ACOT7: variants seen among roughly 807,000 people sequenced by gnomAD.
The protein encoded by ACOT7 is acyl-CoA thioesterase 7.
ACOT7 carries 12 observed loss-of-function variants against 40.2 expected under a neutral mutation model. The observed-to-expected ratio is 0.30, with a 90% CI of 0.19 to 0.48. ACOT7 has a LOEUF of 0.48. ACOT7 is among the 20% of genes least tolerant of loss of function. The pLI is 0.99. For missense variants in ACOT7, 395 were observed against 530.8 expected, an observed-to-expected ratio of 0.74 and a Z score of 2.51; for synonymous variants, 228 against 219.5, an observed-to-expected ratio of 1.04 and a Z score of -0.34.
chr1:6,363,436 C>T (rs1052092999), intron 1 of ACOT7, among the ~76,000 whole-genome samples: 2 of 152,112 alleles, frequency 1.3e-5, no homozygotes. Flanking sequence ...CAGGCCTGCC[C>T]GCAGTTATCC....
At chr1:6,314,403 T>C in intron 6 of ACOT7, among the ~76,000 whole-genome samples, 1 of 151,688 alleles carries the variant, frequency 6.6e-6, no homozygotes, top group Admixed American at 6.6e-5. Context: ...AATTTAAAAA[T>C]AAAAAATAAA....
intron 1 of ACOT7, among the ~76,000 whole-genome samples, chr1:6,388,659 G>A (rs556059482): frequency 1.4e-5 from 2 of 145,984 alleles, no homozygotes; most frequent in Admixed American, 1.4e-4. Flanking sequence ...AGAATTGCTT[G>A]AACTGGGGAG....
intron 5 of ACOT7, among the ~76,000 whole-genome samples, chr1:6,326,416 A>T (rs1003919781): frequency 6.6e-6 from 1 of 152,128 alleles, no homozygotes; most frequent in African/African-American, 2.4e-5. Flanking sequence ...TTGAGTGAAC[A>T]TTTTGTTAAA....
At position 6,275,098 on chromosome 1, in the gene ACOT7, G is replaced by A. The variant is rs759516618; in HGVS notation, c.1014+6004C>T. On this transcript the variant is annotated intron_variant, in intron 8 of 8. Transcript: ENST00000361521. This position sits in a 1 kb window ranked among gnomAD's most constrained non-coding sequence, Gnocchi z 5.6. ...CATCTGTGAGCAGACACACCAGCTC[G>A]CAGAGGGGTTGGCGTTCCCTGAAGC... Among the ~76,000 whole-genome samples, 12 of 152,324 alleles carry A rather than the reference G, an allele frequency of 7.9e-5. No individual in the cohort carries two copies. The highest frequency in any genetic ancestry group is 6.2e-4 in the South Asian group (3 of 4,832).
chr1:6,350,009 T>C (rs902852853), intron 1 of ACOT7, 143 bp from the exon 2 acceptor site: 1 of 806,054 alleles, frequency 1.2e-6, no homozygotes, highest in Non-Finnish European at 2.0e-6. Context: ...GGGCTCTTCC[T>C]AGGTGGTGTG....
chr1:6,304,474 G>A (rs1205332099), intron 6 of ACOT7, among the ~76,000 whole-genome samples: 1 of 140,702 alleles, frequency 7.1e-6, no homozygotes, highest in Admixed American at 7.0e-5. Flanking sequence ...GGACAATAGT[G>A]GAGGGAAGGT....
chr1:6,305,650 TC>T (rs1174672961), intron 6 of ACOT7, among the ~76,000 whole-genome samples: 23 of 149,752 alleles, frequency 1.5e-4, no homozygotes, highest in African/African-American at 5.7e-4. Context: ...GCAGAGACGC[TC>T]CTCACTTCCT....
At chr1:6,269,506 G>A (rs894249216) in intron 8 of ACOT7, among the ~76,000 whole-genome samples, 3 of 152,228 alleles carry the variant, frequency 2.0e-5, no homozygotes, top group African/African-American at 7.2e-5. Flanking sequence ...ACAGGCCGAG[G>A]GCTGTGACTG....
intron 1 of ACOT7, among the ~76,000 whole-genome samples, chr1:6,353,319 A>G (rs779873610): frequency 6.7e-6 from 1 of 149,262 alleles, no homozygotes; most frequent in Non-Finnish European, 1.5e-5. Flanking sequence ...ATGCTGTCTC[A>G]AAAGAAAAAA....
chr1:6,288,553 T>C lies in ACOT7; in HGVS notation c.829+6311A>G, dbSNP rs916758374. On this transcript the variant is annotated intron_variant, in intron 7 of 8. Coordinates refer to ENST00000361521, the MANE Select transcript of ACOT7 (RefSeq NM_007274.4). This position sits in a 1 kb window ranked among gnomAD's most constrained non-coding sequence, Gnocchi z 4.3. ...GCCACGGAGGCTGTGAGCAGAGGAA[T>C]AGCAGGTCCCTAGCGTCAAAAGGCT... 1.3e-5 allele frequency among the ~76,000 whole-genome samples: 2 copies of C among 152,112 alleles called. No individual in the cohort carries two copies. Among genetic ancestry groups the C allele is most frequent in the Admixed American group, 6.5e-5 (1 of 15,268 alleles).
intron 1 of ACOT7, chr1:6,385,784 A>G: frequency 1.4e-6 from 2 of 1,441,940 alleles, no homozygotes; most frequent in Non-Finnish European, 1.8e-6. Context: ...CCTGATAGAA[A>G]GCACCAGGCT....
chr1:6,299,264 A>T lies in ACOT7; in HGVS notation c.713-4284T>A, dbSNP rs1639898115. On this transcript the variant is annotated intron_variant, in intron 6 of 8. Transcript: ENST00000361521. This position sits in a 1 kb window ranked among gnomAD's most constrained non-coding sequence, Gnocchi z 4.1. Reference sequence around the variant, plus strand: ...GTGGCTGCCAGCAATGGCAGCTGCTATCATGGGATGTGGGGATTTGGTGGA... The same window carrying T: ...GTGGCTGCCAGCAATGGCAGCTGCTTTCATGGGATGTGGGGATTTGGTGGA... 6.6e-6 allele frequency among the ~76,000 whole-genome samples: 1 copy of T among 152,278 alleles called. No homozygotes were observed. The highest frequency in any genetic ancestry group is 2.1e-4 in the South Asian group (1 of 4,838).
intron 1 of ACOT7, among the ~76,000 whole-genome samples, chr1:6,374,210 T>C (rs940889338): frequency 3.3e-5 from 5 of 152,184 alleles, no homozygotes; most frequent in Non-Finnish European, 1.5e-5. Flanking sequence ...CCCACGTCCC[T>C]CAGCCCAAAC....
At position 6,358,725 on chromosome 1, in the gene ACOT7, G is replaced by A. The variant is rs910513288; in HGVS notation, c.144-8859C>T. Reference sequence around the variant, plus strand: ...ACACCAGCCAGCCTGCTGGGCACAGGGGCCGAGTCCCCTCTACCCACCCTT... The same window carrying A: ...ACACCAGCCAGCCTGCTGGGCACAGAGGCCGAGTCCCCTCTACCCACCCTT... On this transcript the variant is annotated intron_variant, in intron 1 of 8. Transcript: ENST00000361521. The surrounding 1 kb of genome is among the most constrained non-coding windows in gnomAD (Gnocchi z 4.1). 8.0e-7 allele frequency: 1 copy of A among 1,248,430 alleles called. No individual in the cohort carries two copies. Among genetic ancestry groups the A allele is most frequent in the Non-Finnish European group, 1.2e-6 (1 of 865,534 alleles). The allele number at this position is 1,248,430 out of a possible 1,614,324, so 77.3% of individuals were successfully genotyped here. A position where few individuals can be genotyped will look rare whatever the true frequency, so the allele number is the denominator to read the frequency against.
chr1:6,316,481 T>C (rs1226704674), intron 6 of ACOT7, among the ~76,000 whole-genome samples: 2 of 151,886 alleles, frequency 1.3e-5, no homozygotes, highest in African/African-American at 2.4e-5. Flanking sequence ...AATCATGAAG[T>C]AGGAAAAAGA....
At chr1:6,386,006 AG>A (rs1483060288) in intron 1 of ACOT7, among the ~76,000 whole-genome samples, 1 of 152,192 alleles carries the variant, frequency 6.6e-6, no homozygotes, top group African/African-American at 2.4e-5. Flanking sequence ...AACACTCATA[AG>A]GGTTCCCACC....
At chr1:6,271,803 C>T (rs949721312) in intron 8 of ACOT7, among the ~76,000 whole-genome samples, 3 of 152,282 alleles carry the variant, frequency 2.0e-5, no homozygotes, top group African/African-American at 4.8e-5. Context: ...CCAGCAGCAC[C>T]GGCTCAGACT....
At chr1:6,314,234 T>A (rs190440670) in intron 6 of ACOT7, among the ~76,000 whole-genome samples, 13 of 152,132 alleles carry the variant, frequency 8.5e-5, no homozygotes, top group Admixed American at 3.3e-4. Flanking sequence ...GGCTCATGCA[T>A]CTGAAACTTA....
At chr1:6,340,708 T>A (rs1370438973) in intron 2 of ACOT7, among the ~76,000 whole-genome samples, 1 of 152,178 alleles carries the variant, frequency 6.6e-6, no homozygotes, top group Non-Finnish European at 1.5e-5. Context: ...GGAAAAATAA[T>A]CTGCCTGTGT....
Sources: allele counts gnomAD v4.1 joint callset (sites outside exome capture counted in the v4.1 genomes callset), GRCh38; gene constraint gnomAD v4.1.1; non-coding constraint Gnocchi (gnomAD v3.1); transcripts MANE v1.5; gene names NCBI Gene and HGNC (gene_info 2026-07-23, HGNC 2026-07-21).